DOCK10: variants seen among roughly 807,000 people sequenced by gnomAD.
The protein encoded by DOCK10 is dedicator of cytokinesis protein 10.
Under a neutral mutation model 280.1 loss-of-function variants are expected in DOCK10, and 145 were observed. The observed-to-expected ratio is 0.52, with a 90% CI of 0.45 to 0.59. The LOEUF (loss-of-function observed/expected upper bound fraction) is 0.59, where lower values mean the gene tolerates loss of function less well. Among genes scored for constraint, DOCK10 ranks in the 20% least tolerant of loss-of-function variants. The pLI is 0.00. For missense variants in DOCK10, 2,368 were observed against 2,651.7 expected (o/e 0.89, Z 2.35); for synonymous variants, 915 against 942.2 (o/e 0.97, Z 0.53).
rs960482439 is a variant in DOCK10 at position 224,765,840 on chromosome 2, T to C, written c.6445-3A>G. ...GACAGGTCGTCCCTGCCCGTAATCT[T>C]AAAACAGGGAAAAACACAACACAAC... is the stretch of plus-strand genomic sequence containing the variant. On this transcript the variant is annotated splice_region_variant and splice_polypyrimidine_tract_variant and intron_variant, in intron 55 of 55. Coordinates refer to ENST00000258390, the MANE Select transcript of DOCK10 (RefSeq NM_014689.3). The C allele has an allele frequency of 6.2e-7, 1 of 1,610,842 alleles. No individual in the cohort carries two copies. Among genetic ancestry groups the C allele is most frequent in the African/African-American group, 1.3e-5 (1 of 74,848 alleles).
intron 1 of DOCK10, among the ~76,000 whole-genome samples, chr2:224,974,239 A>G (rs1705271070): frequency 6.6e-6 from 1 of 152,334 alleles, no homozygotes; most frequent in Admixed American, 6.5e-5. Flanking sequence ...TAGACAATCT[A>G]ACCATGACAA....
At chr2:224,944,360 T>A (rs1703273577) in intron 1 of DOCK10, among the ~76,000 whole-genome samples, 1 of 152,200 alleles carries the variant, frequency 6.6e-6, no homozygotes, top group Non-Finnish European at 1.5e-5. Flanking sequence ...GTGTCCCTTT[T>A]CCCTTGTCCT....
chr2:224,891,315 A>AT (rs1486612411), intron 4 of DOCK10, among the ~76,000 whole-genome samples: 1 of 152,180 alleles, frequency 6.6e-6, no homozygotes, highest in African/African-American at 2.4e-5. Context: ...TTCTGAACTG[A>AT]TTCTTTTTTA....
chr2:224,944,012 C>T (rs1703251468), intron 1 of DOCK10, among the ~76,000 whole-genome samples: 1 of 152,156 alleles, frequency 6.6e-6, no homozygotes, highest in Non-Finnish European at 1.5e-5. Context: ...ATCCACTTGC[C>T]TTGGCCTCCC....
intron 1 of DOCK10, among the ~76,000 whole-genome samples, chr2:224,951,386 T>C (rs1017844720): frequency 2.6e-5 from 4 of 152,182 alleles, no homozygotes; most frequent in African/African-American, 7.2e-5. Context: ...TATATGTACA[T>C]ACAAAACGCA....
At chr2:224,830,044 A>G (rs188205661) in intron 27 of DOCK10, among the ~76,000 whole-genome samples, 2 of 152,302 alleles carry the variant, frequency 1.3e-5, no homozygotes, top group South Asian at 2.1e-4. Context: ...GTATCTTGCA[A>G]TATGCTCCAG....
intron 1 of DOCK10, among the ~76,000 whole-genome samples, chr2:224,967,122 C>T (rs1181896390): frequency 4.0e-5 from 6 of 151,592 alleles, no homozygotes; most frequent in Non-Finnish European, 8.8e-5. Context: ...CTCTGTCGCC[C>T]AGGCTGGAGT....
chr2:224,930,200 TAA>T (rs749672431), intron 2 of DOCK10, among the ~76,000 whole-genome samples: 33 of 92,234 alleles, frequency 3.6e-4, no homozygotes, highest in African/African-American at 7.4e-4. Flanking sequence ...TGACACTCGG[TAA>T]AAAAAAAAAA....
intron 33 of DOCK10, among the ~76,000 whole-genome samples, chr2:224,806,972 C>A (rs1047661026): frequency 2.6e-5 from 4 of 152,046 alleles, no homozygotes; most frequent in Admixed American, 2.0e-4. Flanking sequence ...TTCTAGTACA[C>A]AATTTAATCC....
intron 27 of DOCK10, among the ~76,000 whole-genome samples, chr2:224,826,657 G>T (rs1559499906): frequency 6.6e-6 from 1 of 152,186 alleles, no homozygotes; most frequent in East Asian, 1.9e-4. Context: ...GGGAGGCTGA[G>T]ATGGGCAGAT....
intron 2 of DOCK10, among the ~76,000 whole-genome samples, chr2:224,923,175 G>A (rs1245789611): frequency 1.3e-5 from 2 of 152,160 alleles, no homozygotes; most frequent in Non-Finnish European, 2.9e-5. Flanking sequence ...GGGTTGAACT[G>A]TATGGCAAAT....
chr2:224,765,704 C>G lies in DOCK10; in HGVS notation c.*17G>C. 6.4e-7 allele frequency: 1 copy of G among 1,558,520 alleles called. No individual in the cohort carries two copies. The highest frequency in any genetic ancestry group is 8.8e-7 in the Non-Finnish European group (1 of 1,132,644). On this transcript the variant is annotated 3_prime_UTR_variant, in exon 56 of 56. Transcript: ENST00000258390. ...TCAGAAAGTTCTCTTAGAGGTGGGTCTGATGCTGCAGAGCCCTCAGACTTC... is the reference window on the plus strand; with the variant it reads ...TCAGAAAGTTCTCTTAGAGGTGGGTGTGATGCTGCAGAGCCCTCAGACTTC...
chr2:224,769,158 A>G (rs545078740), intron 55 of DOCK10, among the ~76,000 whole-genome samples: 2 of 152,128 alleles, frequency 1.3e-5, no homozygotes, highest in Non-Finnish European at 2.9e-5. Context: ...AATAGCCTAA[A>G]CCAATACTAC....
intron 33 of DOCK10, 42 bp downstream of exon 33, chr2:224,807,625 AT>A: frequency 7.5e-7 from 1 of 1,332,932 alleles, no homozygotes; most frequent in Non-Finnish European, 1.0e-6. Flanking sequence ...AAAAAGACAA[AT>A]TCTTTATTAA....
At chr2:224,964,315 T>C (rs1704610986) in intron 1 of DOCK10, among the ~76,000 whole-genome samples, 1 of 152,204 alleles carries the variant, frequency 6.6e-6, no homozygotes. Flanking sequence ...TTCTTTAATA[T>C]AGCTTGATCT....
At chr2:224,940,150 A>G (rs1383150207) in intron 1 of DOCK10, among the ~76,000 whole-genome samples, 1 of 152,120 alleles carries the variant, frequency 6.6e-6, no homozygotes, top group Non-Finnish European at 1.5e-5. Context: ...AATGTTGATG[A>G]AAGGATTGGA....
chr2:224,810,246 A>G (rs1693671283), intron 31 of DOCK10, among the ~76,000 whole-genome samples: 1 of 152,134 alleles, frequency 6.6e-6, no homozygotes, highest in East Asian at 1.9e-4. Context: ...TAACAAAATT[A>G]CACTTGTACC....
chr2:225,041,684 T>C (rs1399740963), intron 1 of DOCK10, among the ~76,000 whole-genome samples: 1 of 152,070 alleles, frequency 6.6e-6, no homozygotes, highest in Non-Finnish European at 1.5e-5. Flanking sequence ...TATTAAGTGG[T>C]TTGTGGGTTT....
intron 1 of DOCK10, among the ~76,000 whole-genome samples, chr2:224,993,718 C>T (rs1030193313): frequency 1.3e-5 from 2 of 152,142 alleles, no homozygotes; most frequent in Non-Finnish European, 2.9e-5. Flanking sequence ...ATCCCCAAGC[C>T]CACTCTGTCC....
Sources: gnomAD v4.1 joint callset for allele counts (sites outside exome capture counted in the v4.1 genomes callset) on GRCh38, gnomAD v4.1.1 for gene constraint, MANE v1.5 for transcripts, NCBI Gene and HGNC (gene_info 2026-07-23, HGNC 2026-07-21) for gene names.